SORCS2: variants seen among roughly 807,000 people sequenced by gnomAD.
SORCS2 encodes sortilin related VPS10 domain containing receptor 2, also known as VPS10 domain-containing receptor SorCS2.
A neutral mutation model predicts 141.6 loss-of-function variants in SORCS2; 100 were observed. That is an observed-to-expected ratio of 0.71 (90% confidence interval 0.60 to 0.83). SORCS2 has a LOEUF of 0.83. Among genes scored for constraint, SORCS2 ranks in the 40% least tolerant of loss-of-function variants. The pLI, the probability that SORCS2 is intolerant of heterozygous loss-of-function variation, is 0.00. For synonymous variants in SORCS2, 789 were observed against 676.9 expected (o/e 1.17, Z -2.57); for missense variants, 1,646 against 1,560.2 (o/e 1.05, Z -0.93).
intron 3 of SORCS2, among the ~76,000 whole-genome samples, chr4:7,597,888 G>A (rs894047610): frequency 2.0e-5 from 3 of 151,920 alleles, no homozygotes; most frequent in Non-Finnish European, 2.9e-5. Flanking sequence ...TGTGGTCAGC[G>A]GATTCCCAGG....
At chr4:7,213,467 C>A (rs910073035) in intron 1 of SORCS2, among the ~76,000 whole-genome samples, 1 of 152,200 alleles carries the variant, frequency 6.6e-6, no homozygotes, top group Non-Finnish European at 1.5e-5. Context: ...TGGTGCAGAC[C>A]ACCGATGGTG....
intron 2 of SORCS2, among the ~76,000 whole-genome samples, chr4:7,479,223 T>G (rs1266111573): frequency 6.6e-6 from 1 of 151,932 alleles, no homozygotes. Context: ...CGAGGGTATG[T>G]GACCGCACAC....
intron 3 of SORCS2, among the ~76,000 whole-genome samples, chr4:7,603,111 A>G (rs985200475): frequency 1.9e-4 from 29 of 151,910 alleles, no homozygotes; most frequent in African/African-American, 6.3e-4. Flanking sequence ...TGGCGGCACT[A>G]CAGTTCAGCC....
chr4:7,443,070 A>G (rs1037167412), intron 2 of SORCS2, among the ~76,000 whole-genome samples: 10 of 152,208 alleles, frequency 6.6e-5, no homozygotes, highest in African/African-American at 2.4e-4. Flanking sequence ...TGAGAATACC[A>G]GTCATTGGAT....
chr4:7,538,319 C>G (rs532635123), intron 3 of SORCS2, among the ~76,000 whole-genome samples: 18 of 152,288 alleles, frequency 1.2e-4, no homozygotes, highest in African/African-American at 4.1e-4. Flanking sequence ...GGCCAGGCAG[C>G]CTACTATTGT....
At chr4:7,293,323 T>C (rs1031828412) in intron 1 of SORCS2, among the ~76,000 whole-genome samples, 3 of 147,582 alleles carry the variant, frequency 2.0e-5, no homozygotes. Flanking sequence ...AAAAAAGAAA[T>C]GGTGCTTGAG....
At chr4:7,603,675 G>A (rs757589893) in intron 3 of SORCS2, among the ~76,000 whole-genome samples, 8 of 152,124 alleles carry the variant, frequency 5.3e-5, no homozygotes, top group Non-Finnish European at 8.8e-5. Context: ...TCTCTCTATT[G>A]TTTCTGTGGT....
chr4:7,570,507 C>T (rs759587090), intron 3 of SORCS2, among the ~76,000 whole-genome samples: 1 of 152,266 alleles, frequency 6.6e-6, no homozygotes, highest in African/African-American at 2.4e-5. Context: ...TCCCCATCTG[C>T]ATGTCACTGT....
intron 3 of SORCS2, among the ~76,000 whole-genome samples, chr4:7,630,366 G>C (rs571591515): frequency 1.3e-5 from 2 of 152,190 alleles, no homozygotes; most frequent in Non-Finnish European, 2.9e-5. Context: ...TCTGGTTGAA[G>C]AAAGCAACAA....
At chr4:7,544,832 T>C (rs1452592339) in intron 3 of SORCS2, among the ~76,000 whole-genome samples, 1 of 152,176 alleles carries the variant, frequency 6.6e-6, no homozygotes, top group Admixed American at 6.5e-5. Context: ...GGCTGGTTCC[T>C]CTGAGGGCTG....
At chr4:7,396,754 T>G (rs1724241286) in intron 2 of SORCS2, among the ~76,000 whole-genome samples, 1 of 152,234 alleles carries the variant, frequency 6.6e-6, no homozygotes, top group African/African-American at 2.4e-5. Context: ...TCCTCATTGT[T>G]TGGGCGTTTT....
intron 1 of SORCS2, among the ~76,000 whole-genome samples, chr4:7,276,436 T>C (rs1002752513): frequency 6.6e-6 from 1 of 152,160 alleles, no homozygotes; most frequent in African/African-American, 2.4e-5. Flanking sequence ...ACGGGCTTCA[T>C]GTTCAGTCTG....
intron 5 of SORCS2, among the ~76,000 whole-genome samples, chr4:7,658,382 C>T (rs1041592006): frequency 2.0e-5 from 3 of 151,562 alleles, no homozygotes; most frequent in Admixed American, 2.0e-4. Context: ...TGTCATTGCC[C>T]CTCTTCACAG....
chr4:7,507,539 A>G (rs1462777987), intron 2 of SORCS2, among the ~76,000 whole-genome samples: 3 of 152,234 alleles, frequency 2.0e-5, no homozygotes, highest in Non-Finnish European at 4.4e-5. Context: ...TTCTAAAAAT[A>G]GAAAAACCAA....
intron 3 of SORCS2, among the ~76,000 whole-genome samples, chr4:7,581,422 A>G (rs1716134694): frequency 6.6e-6 from 1 of 152,148 alleles, no homozygotes; most frequent in Non-Finnish European, 1.5e-5. Context: ...TATTGCTGTT[A>G]TTTTTAAAAT....
chr4:7,597,827 A>G (rs952773176), intron 3 of SORCS2, among the ~76,000 whole-genome samples: 1 of 152,046 alleles, frequency 6.6e-6, no homozygotes, highest in African/African-American at 2.4e-5. Flanking sequence ...TTGGGAAGCA[A>G]AAGCTCCGTG....
At chr4:7,318,322 A>C (rs531563674) in intron 1 of SORCS2, among the ~76,000 whole-genome samples, 3 of 152,316 alleles carry the variant, frequency 2.0e-5, no homozygotes, top group African/African-American at 7.2e-5. Context: ...ATGTGGTTCT[A>C]GCTGGGCAGG....
At chr4:7,576,211 C>A (rs1054775359) in intron 3 of SORCS2, among the ~76,000 whole-genome samples, 1 of 152,206 alleles carries the variant, frequency 6.6e-6, no homozygotes, top group Non-Finnish European at 1.5e-5. Flanking sequence ...AATTGCTGTT[C>A]CAGCAAAGAC....
chr4:7,669,170 G>A (rs930224802), intron 8 of SORCS2, among the ~76,000 whole-genome samples: 1 of 152,148 alleles, frequency 6.6e-6, no homozygotes, highest in African/African-American at 2.4e-5. Context: ...GAAATTGGAG[G>A]TCATTGAAAA....
Sources: allele counts gnomAD v4.1 joint callset (sites outside exome capture counted in the v4.1 genomes callset), GRCh38; gene constraint gnomAD v4.1.1; transcripts MANE v1.5; gene names NCBI Gene and HGNC (gene_info 2026-07-23, HGNC 2026-07-21).